The following ITPR3 variants were observed in gnomAD, a reference collection of about 807,000 sequenced individuals.
ITPR3 encodes the protein inositol 1,4,5-trisphosphate receptor type 3.
Under a neutral mutation model 293.2 loss-of-function variants are expected in ITPR3, and 173 were observed. That is an observed-to-expected ratio of 0.59 (90% CI 0.52 to 0.67). The LOEUF (loss-of-function observed/expected upper bound fraction) is 0.67. ITPR3 is among the 30% of genes least tolerant of loss of function. The pLI is 0.00. For synonymous variants in ITPR3, 1,295 were observed against 1,444.4 expected (o/e 0.90, Z 2.35); for missense variants, 2,796 against 3,592.1 (o/e 0.78, Z 5.66).
At position 33,689,291 on chromosome 6, in the gene ITPR3, T is replaced by G; in HGVS notation, c.6748T>G (p.Ser2250Ala). Residue 2250 changes from serine (S) to alanine (A), a missense_variant, in exon 50 of 58, where the codon TCC becomes GCC. Physicochemically the swap from Ser to Ala is moderately conservative, Grantham distance 99. This residue lies in a region of ITPR3 where 568 missense variants were observed against 796.1 expected (regional missense o/e 0.71). Transcript: ENST00000605930. ...SLLFWILICF[S>A]IAALFTKRYS... ...GCTCTTCTGGATCCTCATCTGCTTC[T>G]CCATCGCGGCCCTGTTCACCAAGCG... The G allele has an allele frequency of 6.2e-7, 1 of 1,612,370 alleles. No individual in the cohort carries two copies. The highest frequency in any genetic ancestry group is 8.5e-7 in the Non-Finnish European group (1 of 1,180,022).
intron 1 of ITPR3, among the ~76,000 whole-genome samples, chr6:33,629,520 G>T (rs1763624042): frequency 6.7e-6 from 1 of 150,288 alleles, no homozygotes; most frequent in Non-Finnish European, 1.5e-5. Flanking sequence ...CCCTCTTGTA[G>T]CCCAGGCTAG....
At chr6:33,694,816 GT>G in intron 56 of ITPR3, 107 bp from the exon 57 acceptor site, 1 of 1,404,242 alleles carries the variant, frequency 7.1e-7, no homozygotes, top group Middle Eastern at 1.8e-4. Flanking sequence ...CTGACGAGTA[GT>G]TTTGTTAAGG....
intron 55 of ITPR3, 128 bp from the exon 56 acceptor site, chr6:33,693,417 G>A (rs952365050): frequency 7.0e-5 from 61 of 865,610 alleles, no homozygotes; most frequent in South Asian, 5.6e-4. Context: ...AGCCCAGAGC[G>A]AGCTGTTGGA....
chr6:33,690,234 GC>G, intron 51 of ITPR3, 36 bp downstream of exon 51: 8 of 1,589,776 alleles, frequency 5.0e-6, no homozygotes, highest in Non-Finnish European at 6.9e-6. Flanking sequence ...CTGGATGGGG[GC>G]ATGGGGTGGT....
chr6:33,685,268 C>A, intron 39 of ITPR3, 91 bp from the exon 40 acceptor site: 1 of 1,269,720 alleles, frequency 7.9e-7, no homozygotes, highest in Non-Finnish European at 1.1e-6. Flanking sequence ...GCAGCCCCAG[C>A]GGCCCCAGCA....
In ITPR3 at chr6:33,665,911, A is replaced by T. The variant is rs944965710; in HGVS notation, c.1486A>T (p.Ile496Phe). The change falls in exon 14 of 58, where the codon ATC becomes TTC. Residue 496 changes from isoleucine to phenylalanine, a missense_variant. Physicochemically the swap from Ile to Phe is conservative, Grantham distance 21 (BLOSUM62 0). Coordinates refer to ENST00000605930, the MANE Select transcript of ITPR3 (RefSeq NM_002224.4). The part of the protein sequence containing the change: ...VPNNGQNVLD[I>F]MVTKPNRERQ... ...CAACAATGGGCAGAATGTCCTGGAC[A>T]TCATGGTCACTAAGCCCAACCGGGA... 2 of 1,614,090 alleles carry T rather than the reference A, an allele frequency of 1.2e-6. No homozygotes were observed. Among genetic ancestry groups the T allele is most frequent in the African/African-American group, 2.7e-5 (2 of 74,936 alleles).
At position 33,664,842 on chromosome 6, in the gene ITPR3, G is replaced by T. The variant is rs749857865; in HGVS notation, c.1149-28G>T. 5 of 1,605,078 alleles carry T rather than the reference G, an allele frequency of 3.1e-6. No individual in the cohort carries two copies. The highest frequency in any genetic ancestry group is 4.3e-6 in the Non-Finnish European group (5 of 1,173,848). On this transcript the variant is annotated intron_variant, in intron 11 of 57. Coordinates refer to ENST00000605930, the MANE Select transcript of ITPR3 (RefSeq NM_002224.4). The surrounding 1 kb of genome is among the most constrained non-coding windows in gnomAD (Gnocchi z 4.4). ...TGACGTGCTCTGTGGTGCACTCCCC[G>T]AGTCCTTTCCCTCCCACCCACCTGC... is the stretch of plus-strand genomic sequence containing the variant.
At position 33,685,409 on chromosome 6, in the gene ITPR3, C is replaced by T. The variant is rs747022423; in HGVS notation, c.5358C>T (p.Phe1786=). 6.2e-7 allele frequency: 1 copy of T among 1,614,104 alleles called. No homozygotes were observed. The highest frequency in any genetic ancestry group is 8.5e-7 in the Non-Finnish European group (1 of 1,179,958). Residue 1786 remains phenylalanine, a synonymous_variant, in exon 40 of 58, where the codon TTC becomes TTT. Coordinates refer to ENST00000605930, the MANE Select transcript of ITPR3 (RefSeq NM_002224.4). ...GTGACAAGAAGTCAGAGCGCTTCTTCAAGGTGCTGCACGACCGCATGAAGC... is the reference window on the plus strand; with the variant it reads ...GTGACAAGAAGTCAGAGCGCTTCTTTAAGGTGCTGCACGACCGCATGAAGC... The part of the protein sequence containing the change: ...MMSDKKSERF[F]KVLHDRMKRA...
In ITPR3 at chr6:33,678,572, A is replaced by G. The variant is rs1336843221; in HGVS notation, c.3771+29A>G. 1.0e-5 allele frequency: 13 copies of G among 1,299,354 alleles called. No individual in the cohort carries two copies. In the Admixed American group the frequency reaches 1.6e-4, roughly 16 times the overall value. The allele number at this position is 1,299,354 out of a possible 1,614,324, so 80.5% of individuals were successfully genotyped here. A position where few individuals can be genotyped will look rare whatever the true frequency, so the allele number is the denominator to read the frequency against. ...AGGGTGCAGGGCTGGGAGCACCTGG[A>G]CGAGGCGGGGGATGGGGGGTGGGGG... On this transcript the variant is annotated intron_variant, in intron 29 of 57. Transcript: ENST00000605930.
chr6:33,640,204 G>T (rs899164487), intron 1 of ITPR3, among the ~76,000 whole-genome samples: 1 of 152,150 alleles, frequency 6.6e-6, no homozygotes, highest in Non-Finnish European at 1.5e-5. Flanking sequence ...GGCCCGACTG[G>T]TGGCAGAGTC....
intron 26 of ITPR3, 23 bp from the exon 27 acceptor site, chr6:33,676,992 C>T (rs1040005454): frequency 6.2e-7 from 1 of 1,613,942 alleles, no homozygotes; most frequent in Admixed American, 1.7e-5. Flanking sequence ...CCTGGCTGAT[C>T]TCCTTCCTCT....
In ITPR3 at chr6:33,687,543, G is replaced by A. The variant is rs1319269683; in HGVS notation, c.6243G>A (p.Glu2081=). The A allele has an allele frequency of 1.9e-6, 3 of 1,612,662 alleles. No individual in the cohort carries two copies. The highest frequency in any genetic ancestry group is 1.7e-5 in the Admixed American group (1 of 59,918). ...CGGTGAAGCGCATTCAAGAGGAGGA[G>A]GCCGAGGGTATCTCTTCCATGGTGG... is the stretch of plus-strand genomic sequence containing the variant. ...LKPVKRIQEE[E]AEGISSMLSL... Residue 2081 remains glutamate (E), a synonymous_variant, in exon 46 of 58, where the codon GAG becomes GAA. Transcript: ENST00000605930. This position sits in a 1 kb window ranked among gnomAD's most constrained non-coding sequence, Gnocchi z 5.3.
In ITPR3 at chr6:33,658,334, C is replaced by G. The variant is rs1309938702; in HGVS notation, c.369+316C>G. Among the ~76,000 whole-genome samples, 1 of 151,984 alleles carries G rather than the reference C, an allele frequency of 6.6e-6. No individual in the cohort carries two copies. The highest frequency in any genetic ancestry group is 1.5e-5 in the Non-Finnish European group (1 of 68,022). ...AACTTGGGCAAGTTACCTAACGTCC[C>G]CTGGCGCCTTGGTTTCCCCATCTGT... On this transcript the variant is annotated intron_variant, in intron 4 of 57. Transcript: ENST00000605930. The surrounding 1 kb of genome is among the most constrained non-coding windows in gnomAD (Gnocchi z 6.1).
intron 48 of ITPR3, 24 bp downstream of exon 48, chr6:33,688,455 TGG>T: frequency 5.9e-6 from 1 of 169,470 alleles, no homozygotes; most frequent in Non-Finnish European, 1.1e-5. Flanking sequence ...GGCGGGAGGG[TGG>T]GGCGGTCTGG....
chr6:33,693,453 T>G lies in ITPR3; in HGVS notation c.7625-92T>G. 2.1e-6 allele frequency: 3 copies of G among 1,412,362 alleles called. No individual in the cohort carries two copies. In the South Asian group the frequency reaches 3.7e-5, roughly 17 times the overall value. The allele number at this position is 1,412,362 out of a possible 1,614,324, so 87.5% of individuals were successfully genotyped here. A position where few individuals can be genotyped will look rare whatever the true frequency, so the allele number is the denominator to read the frequency against. On this transcript the variant is annotated intron_variant, in intron 55 of 57. Transcript: ENST00000605930. ...AGCGCTCATCCCGAGAACAAATGCC[T>G]CCAACCCCCGGAAGCTGGGTCCCCT...
rs777211758 is a variant in ITPR3 at position 33,691,980 on chromosome 6, A to T, written c.7458+52A>T. On this transcript the variant is annotated intron_variant, in intron 54 of 57. Coordinates refer to ENST00000605930, the MANE Select transcript of ITPR3 (RefSeq NM_002224.4). The surrounding 1 kb of genome is among the most constrained non-coding windows in gnomAD (Gnocchi z 4.9). Reference sequence around the variant, plus strand: ...CTGTGGGGCCCAAGCCACTGTCCAGATCAGCAACTGTGGAGAGTCCTGTCC... The same window carrying T: ...CTGTGGGGCCCAAGCCACTGTCCAGTTCAGCAACTGTGGAGAGTCCTGTCC... 2 of 1,610,394 alleles carry T rather than the reference A, an allele frequency of 1.2e-6. No individual in the cohort carries two copies. Among genetic ancestry groups the T allele is most frequent in the East Asian group, 4.5e-5 (2 of 44,824 alleles).
At chr6:33,668,171 G>A (rs1269206273) in intron 16 of ITPR3, among the ~76,000 whole-genome samples, 1 of 152,204 alleles carries the variant, frequency 6.6e-6, no homozygotes, top group Non-Finnish European at 1.5e-5. Flanking sequence ...GCAACAATGG[G>A]AATGACTCCT....
Position 33,685,016 on chromosome 6 carries a change from TG to T in ITPR3, c.5307+76del, listed in dbSNP as rs912576963. The T allele has an allele frequency of 2.1e-5, 32 of 1,520,300 alleles. No individual in the cohort carries two copies. In the Middle Eastern group the frequency reaches 7.0e-4, roughly 33 times the overall value. The allele number at this position is 1,520,300 out of a possible 1,614,324, so 94.2% of individuals were successfully genotyped here. ...TTTTTGGAGGAGGTGGGCCTTGAGT[TG>T]GGCACTGAAGGCCGAGGAGGGTGTG... On this transcript the variant is annotated intron_variant, in intron 39 of 57. Coordinates refer to ENST00000605930, the MANE Select transcript of ITPR3 (RefSeq NM_002224.4).
At chr6:33,644,287 CT>C (rs541840395) in intron 2 of ITPR3, among the ~76,000 whole-genome samples, 168 of 145,446 alleles carry the variant, frequency 1.2e-3, no homozygotes, top group Non-Finnish European at 1.2e-3. Context: ...GATCTTTTTA[CT>C]TTTTTTTTTT....
Sources: allele counts gnomAD v4.1 joint callset (sites outside exome capture counted in the v4.1 genomes callset), GRCh38; gene constraint gnomAD v4.1.1; regional missense constraint gnomAD v4.1.1; non-coding constraint Gnocchi (gnomAD v3.1); transcripts MANE v1.5; gene names NCBI Gene and HGNC (gene_info 2026-07-23, HGNC 2026-07-21).